EPHA3: variants seen among roughly 807,000 people sequenced by gnomAD.
EPHA3 encodes EPH receptor A3.
EPHA3 carries 42 observed loss-of-function variants against 107.1 expected under a neutral mutation model. The ratio of observed to expected loss-of-function variants is 0.39; its 90% CI spans 0.31 to 0.51. The LOEUF is 0.51. EPHA3 is among the 20% of genes least tolerant of loss of function. EPHA3 has a pLI of 0.78. For synonymous variants in EPHA3, 461 were observed against 424.8 expected, an observed-to-expected ratio of 1.09 and a Z score of -1.05; for missense variants, 1,183 against 1,211.2, an observed-to-expected ratio of 0.98 and a Z score of 0.35.
intron 5 of EPHA3, among the ~76,000 whole-genome samples, chr3:89,393,771 GC>G (rs1478615811): frequency 7.3e-6 from 1 of 137,424 alleles, no homozygotes; most frequent in African/African-American, 2.5e-5. Flanking sequence ...ATTAAAGTAA[GC>G]AAAAATAAAT....
At chr3:89,449,856 A>C (rs1245077407) in intron 14 of EPHA3, among the ~76,000 whole-genome samples, 2 of 152,174 alleles carry the variant, frequency 1.3e-5, no homozygotes, top group Non-Finnish European at 2.9e-5. Context: ...TCCATAGAGA[A>C]CTATATAACC....
intron 3 of EPHA3, among the ~76,000 whole-genome samples, chr3:89,243,742 T>A (rs1214176519): frequency 3.3e-5 from 5 of 152,208 alleles, no homozygotes; most frequent in Non-Finnish European, 7.3e-5. Context: ...TTTCTTTTGC[T>A]GTGCAGAAGC....
chr3:89,122,656 A>T (rs1707416138), intron 1 of EPHA3, among the ~76,000 whole-genome samples: 1 of 152,220 alleles, frequency 6.6e-6, no homozygotes, highest in African/African-American at 2.4e-5. Context: ...TTCTAAGTGG[A>T]CAAGTAGCCA....
At chr3:89,407,737 TAC>T (rs1281306292) in intron 8 of EPHA3, among the ~76,000 whole-genome samples, 3 of 152,132 alleles carry the variant, frequency 2.0e-5, no homozygotes, top group Non-Finnish European at 4.4e-5. Flanking sequence ...CACTAATCAT[TAC>T]CCATAGAGAC....
rs187966442 is a variant in EPHA3, at chr3:89,360,885, A to T, written c.1306+18795A>T. 1.3e-5 allele frequency among the ~76,000 whole-genome samples: 2 copies of T among 151,078 alleles called. 1 individual carries two copies. Among genetic ancestry groups the T allele is most frequent in the Non-Finnish European group, 3.0e-5 (2 of 67,422 alleles). ...CTTCTCATGTATTATTTCCAAGGTG[A>T]CTGGCATTACTTTTTAATTGACCAA... On this transcript the variant is annotated intron_variant, in intron 5 of 16. Transcript: ENST00000336596.
chr3:89,107,639 AG>A lies in EPHA3; in HGVS notation c.-109del, dbSNP rs1434690676. ...TATCTCCAGTGTCAAACTTGACATC[AG>A]CCTGCGAGCGGAGCATGGTAACTTC... On this transcript the variant is annotated 5_prime_UTR_variant, in exon 1 of 17. Transcript: ENST00000336596. 3.0e-6 allele frequency: 3 copies of A among 1,016,044 alleles called. No individual in the cohort carries two copies. The highest frequency in any genetic ancestry group is 4.5e-6 in the Non-Finnish European group (3 of 665,278). The allele number at this position is 1,016,044 out of a possible 1,614,324, so 62.9% of individuals were successfully genotyped here.
At chr3:89,385,257 G>GT (rs1443932635) in intron 5 of EPHA3, among the ~76,000 whole-genome samples, 1 of 152,068 alleles carries the variant, frequency 6.6e-6, no homozygotes, top group Non-Finnish European at 1.5e-5. Flanking sequence ...AAATATAGCT[G>GT]TTTATCAATA....
intron 5 of EPHA3, among the ~76,000 whole-genome samples, chr3:89,374,391 T>G (rs1708364512): frequency 6.6e-6 from 1 of 151,826 alleles, no homozygotes; most frequent in Non-Finnish European, 1.5e-5. Context: ...ACAGTGCAAA[T>G]GTGTGCACAG....
chr3:89,362,928 T>G (rs1708122332), intron 5 of EPHA3, among the ~76,000 whole-genome samples: 1 of 150,998 alleles, frequency 6.6e-6, no homozygotes, highest in Non-Finnish European at 1.5e-5. Context: ...ATCTCCTCTT[T>G]CCTCCTAGAG....
intron 2 of EPHA3, among the ~76,000 whole-genome samples, chr3:89,140,499 T>C (rs1362520387): frequency 6.6e-6 from 1 of 151,764 alleles, no homozygotes; most frequent in Non-Finnish European, 1.5e-5. Flanking sequence ...TAATATAAAT[T>C]AGAGTAACAA....
chr3:89,186,128 C>A (rs61152940), intron 2 of EPHA3, among the ~76,000 whole-genome samples: 4,945 of 151,520 alleles, frequency 0.033, 283 homozygotes, highest in African/African-American at 0.11. Context: ...AGAGATGAAA[C>A]CTAAATTATA....
Position 89,321,244 on chromosome 3 carries a change from C to A in EPHA3, c.815-19672C>A, listed in dbSNP as rs1418415082. On this transcript the variant is annotated intron_variant, in intron 3 of 16. Coordinates refer to ENST00000336596, the MANE Select transcript of EPHA3 (RefSeq NM_005233.6). ...GGAAGGTCTTTTGGCAAGTCCTTCTCCACCATCCATTGGCTTTGAGATCTG... is the reference window on the plus strand; with the variant it reads ...GGAAGGTCTTTTGGCAAGTCCTTCTACACCATCCATTGGCTTTGAGATCTG... Among the ~76,000 whole-genome samples, 3 of 151,942 alleles carry A rather than the reference C, an allele frequency of 2.0e-5. No individual in the cohort carries two copies. In the Admixed American group the frequency reaches 2.0e-4, roughly 10 times the overall value.
At chr3:89,135,676 T>C (rs1050402428) in intron 2 of EPHA3, among the ~76,000 whole-genome samples, 11 of 151,440 alleles carry the variant, frequency 7.3e-5, no homozygotes, top group Non-Finnish European at 2.9e-5. Flanking sequence ...CTATATTAAA[T>C]ATATTACATT....
At chr3:89,299,629 T>C (rs1559638050) in intron 3 of EPHA3, among the ~76,000 whole-genome samples, 1 of 152,038 alleles carries the variant, frequency 6.6e-6, no homozygotes, top group Non-Finnish European at 1.5e-5. Flanking sequence ...CTTTCTGTAA[T>C]TTAAAAGTAA....
At chr3:89,315,065 A>G (rs1706862142) in intron 3 of EPHA3, among the ~76,000 whole-genome samples, 1 of 151,888 alleles carries the variant, frequency 6.6e-6, no homozygotes, top group African/African-American at 2.4e-5. Context: ...ATCTAAACAT[A>G]GAAAAGGTAT....
At chr3:89,116,505 T>C (rs530951983) in intron 1 of EPHA3, among the ~76,000 whole-genome samples, 45 of 152,236 alleles carry the variant, frequency 3.0e-4, no homozygotes, top group African/African-American at 1.0e-3. Context: ...ACTCCTGCCA[T>C]TGAGAAAAGG....
At chr3:89,251,317 T>A (rs915315834) in intron 3 of EPHA3, among the ~76,000 whole-genome samples, 12 of 152,184 alleles carry the variant, frequency 7.9e-5, no homozygotes, top group African/African-American at 2.9e-4. Context: ...ATTTTTTAAA[T>A]CTTTCCAATA....
At chr3:89,207,875 G>A (rs957531825) in intron 2 of EPHA3, among the ~76,000 whole-genome samples, 1 of 152,216 alleles carries the variant, frequency 6.6e-6, no homozygotes, top group African/African-American at 2.4e-5. Context: ...CCATACTACA[G>A]TGAATATGAA....
chr3:89,366,357 C>T (rs1169566698), intron 5 of EPHA3, among the ~76,000 whole-genome samples: 1 of 150,472 alleles, frequency 6.6e-6, no homozygotes, highest in Non-Finnish European at 1.5e-5. Context: ...AATTTAAACA[C>T]ATGTGGAAGA....
Sources: allele counts gnomAD v4.1 joint callset (sites outside exome capture counted in the v4.1 genomes callset), GRCh38; gene constraint gnomAD v4.1.1; transcripts MANE v1.5; gene names NCBI Gene and HGNC (gene_info 2026-07-23, HGNC 2026-07-21).